The following DCLK1 variants were observed in gnomAD, a reference collection of about 807,000 sequenced individuals.
The protein encoded by DCLK1 is serine/threonine-protein kinase DCLK1.
DCLK1 carries 16 observed loss-of-function variants against 86.2 expected under a neutral mutation model. The ratio of observed to expected loss-of-function variants is 0.19; its 90% CI spans 0.13 to 0.28. DCLK1 has a LOEUF of 0.28. Ranked by LOEUF, DCLK1 falls within the 10% of genes least tolerant of loss-of-function variation. The probability of loss-of-function intolerance (pLI) is 1.00; values close to 1 mark genes in which losing one functional copy is unlikely to be tolerated. For missense variants in DCLK1, 590 were observed against 940.2 expected (o/e 0.63, Z 4.87); for synonymous variants, 369 against 370.5 (o/e 1.00, Z 0.05).
At chr13:35,887,031 T>C (rs10514839) in intron 4 of DCLK1, among the ~76,000 whole-genome samples, 20,917 of 152,286 alleles carry the variant, frequency 0.14, 1,691 homozygotes, top group African/African-American at 0.22. Flanking sequence ...CTGCCCTAAA[T>C]GTTAGCTTGG....
intron 3 of DCLK1, among the ~76,000 whole-genome samples, chr13:36,072,452 G>A (rs988243553): frequency 2.0e-5 from 3 of 152,060 alleles, no homozygotes; most frequent in Non-Finnish European, 2.9e-5. Flanking sequence ...GAGCTCATCC[G>A]GTTTTATTGC....
chr13:35,775,030 CCTT>C (rs762223092), intron 16 of DCLK1, among the ~76,000 whole-genome samples: 10 of 152,162 alleles, frequency 6.6e-5, no homozygotes, highest in Admixed American at 2.0e-4. Context: ...GACACTCCCA[CCTT>C]CTCTGAAAAG....
intron 3 of DCLK1, among the ~76,000 whole-genome samples, chr13:36,003,617 A>G (rs1179091166): frequency 2.0e-5 from 3 of 152,236 alleles, no homozygotes; most frequent in African/African-American, 4.8e-5. Context: ...GTACTGCAAC[A>G]TAAGTTAGAG....
chr13:36,104,179 G>C (rs948963302), intron 3 of DCLK1, among the ~76,000 whole-genome samples: 1 of 152,182 alleles, frequency 6.6e-6, no homozygotes, highest in Non-Finnish European at 1.5e-5. Flanking sequence ...CCACAGCCCA[G>C]GGTGACCAAG....
At chr13:36,038,722 C>T (rs772801268) in intron 3 of DCLK1, among the ~76,000 whole-genome samples, 2 of 152,156 alleles carry the variant, frequency 1.3e-5, no homozygotes, top group Non-Finnish European at 2.9e-5. Context: ...TTACTAAGCG[C>T]TATGACAAGC....
At chr13:35,932,066 G>C (rs563321950) in intron 4 of DCLK1, among the ~76,000 whole-genome samples, 106 of 152,162 alleles carry the variant, frequency 7.0e-4, no homozygotes, top group Non-Finnish European at 8.8e-4. Context: ...GGATGCTTCT[G>C]GGTGAAATTA....
At chr13:35,914,179 T>G (rs1875224409) in intron 4 of DCLK1, among the ~76,000 whole-genome samples, 1 of 151,518 alleles carries the variant, frequency 6.6e-6, no homozygotes, top group Non-Finnish European at 1.5e-5. Flanking sequence ...ATTAGCTGTG[T>G]ATGGTGGCAT....
At chr13:36,036,588 C>A (rs959169053) in intron 3 of DCLK1, among the ~76,000 whole-genome samples, 2 of 152,026 alleles carry the variant, frequency 1.3e-5, no homozygotes, top group African/African-American at 4.8e-5. Context: ...TGCTTTTGAA[C>A]CCAAAAGGAT....
intron 8 of DCLK1, among the ~76,000 whole-genome samples, chr13:35,830,695 A>C (rs1868882416): frequency 6.6e-6 from 1 of 152,248 alleles, no homozygotes; most frequent in African/African-American, 2.4e-5. Context: ...CAGGGAATCT[A>C]GACCATTGCA....
intron 7 of DCLK1, among the ~76,000 whole-genome samples, chr13:35,836,640 G>C (rs1869405097): frequency 6.6e-6 from 1 of 152,154 alleles, no homozygotes; most frequent in Admixed American, 6.5e-5. Flanking sequence ...AATTCCTCAT[G>C]AACTAAGCAC....
chr13:36,088,673 G>A (rs1243587399), intron 3 of DCLK1, among the ~76,000 whole-genome samples: 1 of 152,222 alleles, frequency 6.6e-6, no homozygotes. Flanking sequence ...GTGGGTCTGC[G>A]AGACGTGCCG....
At chr13:35,991,060 G>A (rs1004712419) in intron 3 of DCLK1, among the ~76,000 whole-genome samples, 2 of 152,066 alleles carry the variant, frequency 1.3e-5, no homozygotes, top group Admixed American at 1.3e-4. Context: ...CTTGTCATTT[G>A]AGAAAAAGCA....
intron 11 of DCLK1, among the ~76,000 whole-genome samples, chr13:35,821,659 T>C (rs2087395657): frequency 8.8e-6 from 1 of 113,116 alleles, no homozygotes; most frequent in Non-Finnish European, 1.6e-5. Context: ...AAAAGATATA[T>C]ATATAAATAT....
At chr13:36,020,424 G>T (rs1881725915) in intron 3 of DCLK1, among the ~76,000 whole-genome samples, 1 of 152,122 alleles carries the variant, frequency 6.6e-6, no homozygotes, top group Non-Finnish European at 1.5e-5. Flanking sequence ...TAGAAGTCTG[G>T]AAATGAACCA....
At chr13:36,017,742 A>G (rs1047583051) in intron 3 of DCLK1, among the ~76,000 whole-genome samples, 5 of 152,180 alleles carry the variant, frequency 3.3e-5, no homozygotes, top group Non-Finnish European at 7.4e-5. Context: ...TTTACTGTTT[A>G]TCTAGTTTTC....
At chr13:35,822,013 CA>C (rs2087405748) in intron 11 of DCLK1, among the ~76,000 whole-genome samples, 1 of 151,716 alleles carries the variant, frequency 6.6e-6, no homozygotes, top group African/African-American at 2.4e-5. Context: ...TCTTAAAAAC[CA>C]ATTATAATTT....
At chr13:36,065,005 C>T (rs1018013717) in intron 3 of DCLK1, among the ~76,000 whole-genome samples, 1 of 152,154 alleles carries the variant, frequency 6.6e-6, no homozygotes, top group Admixed American at 6.5e-5. Context: ...TAAAAAAATG[C>T]TTTCTTTGGA....
At chr13:35,946,870 A>C (rs1054189925) in intron 4 of DCLK1, among the ~76,000 whole-genome samples, 4 of 152,180 alleles carry the variant, frequency 2.6e-5, no homozygotes, top group Non-Finnish European at 5.9e-5. Flanking sequence ...GAAGGAAGCT[A>C]ACTTCTCTTT....
At chr13:35,932,660 A>G (rs59846047) in intron 4 of DCLK1, among the ~76,000 whole-genome samples, 286 of 152,292 alleles carry the variant, frequency 1.9e-3, no homozygotes, top group African/African-American at 6.6e-3. Context: ...GATCTCATGC[A>G]ACTTATTCAC....
Sources: allele counts gnomAD v4.1 joint callset (sites outside exome capture counted in the v4.1 genomes callset), GRCh38; gene constraint gnomAD v4.1.1; transcripts MANE v1.5; gene names NCBI Gene and HGNC (gene_info 2026-07-23, HGNC 2026-07-21).